Variants in M1AP observed in about 807,000 individuals in gnomAD.
M1AP encodes meiosis 1 associated protein, also known as meiosis 1 arrest protein.
In M1AP, 39 loss-of-function variants were observed where a neutral mutation model predicts 51.2. The ratio of observed to expected loss-of-function variants is 0.76; its 90% confidence interval spans 0.59 to 1.00. The LOEUF (loss-of-function observed/expected upper bound fraction) is 1.00. Among genes scored for constraint, M1AP ranks in the 50% least tolerant of loss-of-function variants. The pLI, the probability that M1AP is intolerant of heterozygous loss-of-function variation, is 0.00. For missense variants in M1AP, 545 were observed against 641.2 expected (o/e 0.85, Z 1.62); for synonymous variants, 251 against 249.2 (o/e 1.01, Z -0.07).
Position 74,640,264 on chromosome 2 carries a change from C to A in M1AP, c.12G>T (p.Gly4=), listed in dbSNP as rs769328081. The A allele has an allele frequency of 1.2e-6, 2 of 1,613,904 alleles. No homozygotes were observed. The highest frequency in any genetic ancestry group is 1.3e-5 in the African/African-American group (1 of 74,870). MHP[G]RTTGKGPSTH... Reference sequence around the variant, plus strand: ...TAGAGGGCCCTTTACCAGTAGTTCGCCCAGGATGCATGGCAGCAAAACCAG... The same window carrying A: ...TAGAGGGCCCTTTACCAGTAGTTCGACCAGGATGCATGGCAGCAAAACCAG... Residue 4 remains glycine (G), a synonymous_variant, in exon 2 of 11, where the codon GGG becomes GGT. Transcript: ENST00000421985.
At position 74,606,980 on chromosome 2, in the gene M1AP, GTGTGC is replaced by G. The variant is rs945640741; in HGVS notation, c.595+70_595+74del. 199 of 1,275,894 alleles carry G rather than the reference GTGTGC, an allele frequency of 1.6e-4. 1 individual carries two copies. Among genetic ancestry groups the G allele is most frequent in the Admixed American group, 1.0e-3 (57 of 55,748 alleles). The allele number at this position is 1,275,894 out of a possible 1,614,324, so 79.0% of individuals were successfully genotyped here. On this transcript the variant is annotated intron_variant, in intron 4 of 10. Transcript: ENST00000421985. ...ACATATGTATACATGTGCCATGTTG[GTGTGC>G]TGCACCCATTAACTCATCATTTTCA...
rs1488592714 is a variant in M1AP, at chr2:74,615,154, A to G, written c.241-5T>C. On this transcript the variant is annotated splice_polypyrimidine_tract_variant and splice_region_variant and intron_variant, in intron 2 of 10. Transcript: ENST00000421985. ...AGCAAAGTTCCCTTTCACTTGCTGCAGAGAAAAACGAATCAAAGACACAAG... is the reference window on the plus strand; with the variant it reads ...AGCAAAGTTCCCTTTCACTTGCTGCGGAGAAAAACGAATCAAAGACACAAG... The G allele has an allele frequency of 6.2e-7, 1 of 1,613,660 alleles. No individual in the cohort carries two copies. Among genetic ancestry groups the G allele is most frequent in the Non-Finnish European group, 8.5e-7 (1 of 1,179,542 alleles).
intron 2 of M1AP, among the ~76,000 whole-genome samples, chr2:74,623,579 G>A (rs1381515567): frequency 1.3e-5 from 2 of 151,968 alleles, no homozygotes; most frequent in Non-Finnish European, 2.9e-5. Context: ...TTATCAGGTG[G>A]GCTCCACGCA....
intron 2 of M1AP, among the ~76,000 whole-genome samples, chr2:74,630,563 A>G (rs1403517754): frequency 6.6e-6 from 1 of 152,074 alleles, no homozygotes; most frequent in Non-Finnish European, 1.5e-5. Flanking sequence ...GCTCCCACTT[A>G]TGAGTGAGAA....
intron 4 of M1AP, among the ~76,000 whole-genome samples, chr2:74,590,293 C>A (rs1181821259): frequency 1.3e-5 from 2 of 152,146 alleles, no homozygotes; most frequent in African/African-American, 4.8e-5. Flanking sequence ...GTGGAGGGGG[C>A]AGACAAGCTC....
At chr2:74,647,252 T>C (rs1275140213) in intron 1 of M1AP, 3 of 985,194 alleles carry the variant, frequency 3.0e-6, no homozygotes, top group Non-Finnish European at 3.6e-6. Flanking sequence ...GGCCCTCCCC[T>C]GCCCGCACCC....
intron 7 of M1AP, among the ~76,000 whole-genome samples, chr2:74,571,899 G>T (rs1678762718): frequency 6.6e-6 from 1 of 152,050 alleles, no homozygotes; most frequent in Admixed American, 6.6e-5. Context: ...GGGAGGCTGA[G>T]GCAGGAAAAT....
At chr2:74,589,818 A>C (rs1198279876) in intron 4 of M1AP, among the ~76,000 whole-genome samples, 1 of 152,230 alleles carries the variant, frequency 6.6e-6, no homozygotes, top group East Asian at 1.9e-4. Flanking sequence ...TGAAAAAAAT[A>C]ATTGACTGTT....
At chr2:74,628,007 AT>A (rs1333566335) in intron 2 of M1AP, among the ~76,000 whole-genome samples, 1 of 152,188 alleles carries the variant, frequency 6.6e-6, no homozygotes. Flanking sequence ...TCCATTTTAT[AT>A]ATATAAATAA....
intron 4 of M1AP, among the ~76,000 whole-genome samples, chr2:74,600,570 T>A (rs1018731034): frequency 2.6e-5 from 4 of 152,184 alleles, no homozygotes; most frequent in South Asian, 2.1e-4. Context: ...AGAGGGCATT[T>A]AAGGACAAAG....
chr2:74,574,866 G>A (rs990421706), intron 7 of M1AP, among the ~76,000 whole-genome samples: 1 of 152,156 alleles, frequency 6.6e-6, no homozygotes, highest in Non-Finnish European at 1.5e-5. Flanking sequence ...CCTTCACCTG[G>A]TTAATTCTCA....
chr2:74,632,026 G>A (rs866374061), intron 2 of M1AP, among the ~76,000 whole-genome samples: 3 of 152,182 alleles, frequency 2.0e-5, no homozygotes. Flanking sequence ...TGTTCTATAC[G>A]TAAGGTAATA....
intron 4 of M1AP, among the ~76,000 whole-genome samples, chr2:74,594,513 A>T (rs1680216759): frequency 6.6e-6 from 1 of 152,190 alleles, no homozygotes; most frequent in Non-Finnish European, 1.5e-5. Context: ...AGAAAGATAG[A>T]GAGAAAGAAT....
intron 4 of M1AP, among the ~76,000 whole-genome samples, chr2:74,605,585 C>A (rs566058933): frequency 1.3e-5 from 2 of 152,208 alleles, no homozygotes; most frequent in Non-Finnish European, 2.9e-5. Context: ...ACTTACTCAT[C>A]TTTTTCATCA....
intron 2 of M1AP, among the ~76,000 whole-genome samples, chr2:74,629,191 TTAGA>T (rs1392400877): frequency 6.6e-6 from 1 of 152,242 alleles, no homozygotes; most frequent in Non-Finnish European, 1.5e-5. Context: ...TTGCTTCTCC[TTAGA>T]TAGGTTAACA....
At chr2:74,592,219 C>T (rs1284525191) in intron 4 of M1AP, among the ~76,000 whole-genome samples, 1 of 152,038 alleles carries the variant, frequency 6.6e-6, no homozygotes, top group African/African-American at 2.4e-5. Context: ...TATTAGATTC[C>T]TAGAAGTGGG....
At chr2:74,579,051 C>T (rs777941021) in intron 5 of M1AP, among the ~76,000 whole-genome samples, 18 of 152,186 alleles carry the variant, frequency 1.2e-4, no homozygotes, top group South Asian at 4.2e-4. Context: ...GTGAAGACCT[C>T]CCCAGCAGAA....
At chr2:74,562,059 T>C (rs1429127042) in intron 8 of M1AP, 158 bp downstream of exon 8, 4 of 985,334 alleles carry the variant, frequency 4.1e-6, no homozygotes, top group Non-Finnish European at 4.8e-6. Flanking sequence ...ACTTCCTTCT[T>C]CTGGCATAAT....
intron 3 of M1AP, among the ~76,000 whole-genome samples, chr2:74,611,125 C>T (rs1180184826): frequency 6.6e-6 from 1 of 152,064 alleles, no homozygotes; most frequent in Non-Finnish European, 1.5e-5. Flanking sequence ...GAGATATTGG[C>T]CTATAGTTTT....
Sources: gnomAD v4.1 joint callset for allele counts (sites outside exome capture counted in the v4.1 genomes callset) on GRCh38, gnomAD v4.1.1 for gene constraint, MANE v1.5 for transcripts, NCBI Gene and HGNC (gene_info 2026-07-23, HGNC 2026-07-21) for gene names.